Variants in HS6ST3 observed in about 807,000 individuals in gnomAD.
HS6ST3 encodes the protein heparan-sulfate 6-O-sulfotransferase 3.
In HS6ST3, 12 loss-of-function variants were observed where a neutral mutation model predicts 36.7. The ratio of observed to expected loss-of-function variants is 0.33; its 90% CI spans 0.21 to 0.53. HS6ST3 has a LOEUF of 0.53. HS6ST3 is among the 20% of genes least tolerant of loss of function. The probability of loss-of-function intolerance (pLI) is 0.95; values close to 1 mark genes in which losing one functional copy is unlikely to be tolerated. For synonymous variants in HS6ST3, 240 were observed against 257.5 expected, an observed-to-expected ratio of 0.93 and a Z score of 0.65; for missense variants, 584 against 640.9, an observed-to-expected ratio of 0.91 and a Z score of 0.96.
At chr13:96,126,847 G>A (rs2053954519) in intron 1 of HS6ST3, among the ~76,000 whole-genome samples, 1 of 152,028 alleles carries the variant, frequency 6.6e-6, no homozygotes, top group Non-Finnish European at 1.5e-5. Context: ...GGGCCTCTAT[G>A]CCTTCAGTTT....
intron 1 of HS6ST3, among the ~76,000 whole-genome samples, chr13:96,423,753 C>G (rs1462865335): frequency 6.6e-6 from 1 of 152,000 alleles, no homozygotes; most frequent in Non-Finnish European, 1.5e-5. Flanking sequence ...TGTGATGGTA[C>G]ACTTCCTCTA....
At chr13:96,230,041 G>T (rs2054500254) in intron 1 of HS6ST3, among the ~76,000 whole-genome samples, 2 of 152,154 alleles carry the variant, frequency 1.3e-5, no homozygotes, top group Non-Finnish European at 2.9e-5. Flanking sequence ...GTTAGAGCAT[G>T]GGAGGAACAT....
intron 1 of HS6ST3, among the ~76,000 whole-genome samples, chr13:96,690,904 C>A (rs904508804): frequency 1.3e-5 from 2 of 152,052 alleles, no homozygotes; most frequent in African/African-American, 2.4e-5. Context: ...AGAATGAATG[C>A]GTACCTAATA....
intron 1 of HS6ST3, among the ~76,000 whole-genome samples, chr13:96,671,390 C>T (rs1469935877): frequency 6.6e-6 from 1 of 152,044 alleles, no homozygotes; most frequent in Non-Finnish European, 1.5e-5. Flanking sequence ...GAAGTTATGC[C>T]CAACTAACTA....
intron 1 of HS6ST3, among the ~76,000 whole-genome samples, chr13:96,153,018 C>G (rs2054094587): frequency 6.6e-6 from 1 of 152,196 alleles, no homozygotes; most frequent in South Asian, 2.1e-4. Context: ...TACCACTCTT[C>G]AGTAGCACCT....
At chr13:96,332,197 G>A (rs1242662489) in intron 1 of HS6ST3, among the ~76,000 whole-genome samples, 3 of 152,108 alleles carry the variant, frequency 2.0e-5, no homozygotes, top group Admixed American at 1.3e-4. Context: ...CGGCCATCTT[G>A]GCTCCTCCCC....
chr13:96,451,006 TA>T (rs1231818359), intron 1 of HS6ST3, among the ~76,000 whole-genome samples: 1 of 152,144 alleles, frequency 6.6e-6, no homozygotes, highest in Non-Finnish European at 1.5e-5. Context: ...GAAGCAGATT[TA>T]GTCTCTCATG....
At chr13:96,771,164 C>T (rs958025004) in intron 1 of HS6ST3, among the ~76,000 whole-genome samples, 9 of 151,396 alleles carry the variant, frequency 5.9e-5, no homozygotes, top group Admixed American at 6.6e-5. Flanking sequence ...AGCAAACTAT[C>T]GCAAGGCCAA....
intron 1 of HS6ST3, among the ~76,000 whole-genome samples, chr13:96,335,449 C>T (rs147288645): frequency 5.9e-5 from 9 of 152,266 alleles, no homozygotes; most frequent in South Asian, 2.1e-4. Flanking sequence ...GCTTTGCCCA[C>T]GGAGCAGCAC....
At chr13:96,270,145 G>A (rs965614261) in intron 1 of HS6ST3, among the ~76,000 whole-genome samples, 6 of 151,838 alleles carry the variant, frequency 4.0e-5, no homozygotes, top group African/African-American at 1.2e-4. Flanking sequence ...AGACACCACA[G>A]TGTGCTCTGT....
intron 1 of HS6ST3, among the ~76,000 whole-genome samples, chr13:96,123,650 C>T (rs773462276): frequency 6.6e-6 from 1 of 152,098 alleles, no homozygotes; most frequent in Non-Finnish European, 1.5e-5. Flanking sequence ...AAACCATTCC[C>T]AGAAGTCTGG....
chr13:96,285,230 T>C (rs1441044691), intron 1 of HS6ST3, among the ~76,000 whole-genome samples: 2 of 152,186 alleles, frequency 1.3e-5, no homozygotes, highest in African/African-American at 2.4e-5. Flanking sequence ...GACATGTTGA[T>C]GATTTATCAT....
At chr13:96,578,079 A>T (rs2056328326) in intron 1 of HS6ST3, among the ~76,000 whole-genome samples, 1 of 152,168 alleles carries the variant, frequency 6.6e-6, no homozygotes, top group South Asian at 2.1e-4. Context: ...ACCAAAGTGG[A>T]CTCTGGTTTT....
intron 1 of HS6ST3, among the ~76,000 whole-genome samples, chr13:96,309,226 A>G (rs1161284311): frequency 4.6e-5 from 7 of 151,978 alleles, no homozygotes; most frequent in Non-Finnish European, 8.8e-5. Context: ...ACATTTTTGA[A>G]GAAGGAGGGG....
chr13:96,348,704 G>C (rs373427386), intron 1 of HS6ST3, among the ~76,000 whole-genome samples: 2 of 152,120 alleles, frequency 1.3e-5, no homozygotes, highest in African/African-American at 4.8e-5. Flanking sequence ...GGAATAGCCC[G>C]GCTTCAGAGA....
At chr13:96,162,398 T>C (rs1328231416) in intron 1 of HS6ST3, among the ~76,000 whole-genome samples, 4 of 152,298 alleles carry the variant, frequency 2.6e-5, no homozygotes, top group East Asian at 3.9e-4. Context: ...ACTAAATAGG[T>C]AGGCGACAGC....
chr13:96,621,236 A>G (rs2056493914), intron 1 of HS6ST3, among the ~76,000 whole-genome samples: 1 of 152,170 alleles, frequency 6.6e-6, no homozygotes, highest in Non-Finnish European at 1.5e-5. Flanking sequence ...TCTTATCTTG[A>G]ATTATAACCC....
At chr13:96,328,089 G>A (rs1446195131) in intron 1 of HS6ST3, among the ~76,000 whole-genome samples, 146 of 144,482 alleles carry the variant, frequency 1.0e-3, no homozygotes, top group African/African-American at 3.2e-3. Context: ...GGCTGAGACA[G>A]TGGGGTTTTC....
intron 1 of HS6ST3, among the ~76,000 whole-genome samples, chr13:96,532,339 G>A (rs529580948): frequency 1.2e-4 from 18 of 152,352 alleles, no homozygotes; most frequent in African/African-American, 4.3e-4. Context: ...ACAAGGCTTA[G>A]CTTGTTTTAG....
Sources: allele counts gnomAD v4.1 joint callset (sites outside exome capture counted in the v4.1 genomes callset), GRCh38; gene constraint gnomAD v4.1.1; transcripts MANE v1.5; gene names NCBI Gene and HGNC (gene_info 2026-07-23, HGNC 2026-07-21).